ARHGAP29: variants seen among roughly 807,000 people sequenced by gnomAD.
The protein encoded by ARHGAP29 is rho GTPase-activating protein 29.
ARHGAP29 carries 43 observed loss-of-function variants against 122.6 expected under a neutral mutation model. That is an observed-to-expected ratio of 0.35 (90% CI 0.27 to 0.45). The LOEUF (loss-of-function observed/expected upper bound fraction) is 0.45. Ranked by LOEUF, ARHGAP29 falls within the 20% of genes least tolerant of loss-of-function variation. ARHGAP29 has a pLI of 1.00. For synonymous variants in ARHGAP29, 506 were observed against 497.1 expected, an observed-to-expected ratio of 1.02 and a Z score of -0.24; for missense variants, 1,303 against 1,477.2, an observed-to-expected ratio of 0.88 and a Z score of 1.93.
At chr1:94,282,253 T>C in the ARHGAP29 span, among the ~76,000 whole-genome samples, 1 of 140,886 alleles carries the variant, frequency 7.1e-6, no homozygotes, top group Non-Finnish European at 1.5e-5. Flanking sequence ...CAAGTGATAG[T>C]GCTTTATTTA....
exon 1 of ARHGAP29, chr1:94,275,039 G>A (rs924358777): frequency 6.6e-6 from 1 of 152,228 alleles, no homozygotes; most frequent in African/African-American, 2.4e-5. Context: ...GAGCAAGTGG[G>A]TAAGCCTGGA....
the ARHGAP29 span, among the ~76,000 whole-genome samples, chr1:94,310,437 A>C: frequency 6.6e-6 from 1 of 152,178 alleles, no homozygotes; most frequent in Non-Finnish European, 1.5e-5. Context: ...GCTCAGTAGA[A>C]AGCAAACATG....
At chr1:94,287,984 G>C in the ARHGAP29 span, among the ~76,000 whole-genome samples, 11 of 152,196 alleles carry the variant, frequency 7.2e-5, no homozygotes, top group Non-Finnish European at 1.6e-4. Flanking sequence ...TGCCTTTATA[G>C]TAGCAAGATT....
chr1:94,312,351 ATTTG>A, the ARHGAP29 span, among the ~76,000 whole-genome samples: 3 of 72,576 alleles, frequency 4.1e-5, no homozygotes, highest in African/African-American at 1.5e-4. Flanking sequence ...CTTCATTTTT[ATTTG>A]TTTTTTTTTT....
chr1:94,237,778 GGGCTGCGTC>G, upstream of ARHGAP29: 1 of 985,392 alleles, frequency 1.0e-6, no homozygotes, highest in Non-Finnish European at 1.2e-6. Context: ...CCAGCATCAC[GGGCTGCGTC>G]GGCTGCCCTT....
chr1:94,247,411 C>T (rs1178000091), intron 1 of ARHGAP29, among the ~76,000 whole-genome samples: 7 of 151,780 alleles, frequency 4.6e-5, no homozygotes, highest in Non-Finnish European at 1.0e-4. Flanking sequence ...GCAGCGCCCG[C>T]CCGCGTCCTC....
At chr1:94,293,641 T>G in the ARHGAP29 span, among the ~76,000 whole-genome samples, 1 of 152,094 alleles carries the variant, frequency 6.6e-6, no homozygotes, top group Non-Finnish European at 1.5e-5. Flanking sequence ...TCTTTATAAA[T>G]TACACACTCT....
the ARHGAP29 span, among the ~76,000 whole-genome samples, chr1:94,290,727 GCA>G: frequency 1.3e-5 from 2 of 152,176 alleles, no homozygotes; most frequent in African/African-American, 4.8e-5. Context: ...ATGTAGTTGT[GCA>G]GTTTTGAGTG....
upstream of ARHGAP29, among the ~76,000 whole-genome samples, chr1:94,278,984 G>A (rs1655270879): frequency 6.6e-6 from 1 of 152,186 alleles, no homozygotes; most frequent in Non-Finnish European, 1.5e-5. Context: ...TGATGCATGG[G>A]AGAATAACCT....
Position 94,201,874 on chromosome 1 carries a change from G to GAA in ARHGAP29, c.1144-19_1144-18dup, listed in dbSNP as rs5776210. On this transcript the variant is annotated splice_polypyrimidine_tract_variant and intron_variant, in intron 11 of 22. Coordinates refer to ENST00000260526, the MANE Select transcript of ARHGAP29 (RefSeq NM_004815.4). Reference sequence around the variant, plus strand: ...TTCTTCTACCTTCACAAATATCACAGAAAAAAAAATAACACTAGAATTTAT... The same window carrying GAA: ...TTCTTCTACCTTCACAAATATCACAGAAAAAAAAAAATAACACTAGAATTTAT... 11,854 of 1,249,506 alleles carry GAA rather than the reference G, an allele frequency of 9.5e-3. 1 individual carries two copies. Among genetic ancestry groups the GAA allele is most frequent in the Middle Eastern group, 0.01 (42 of 4,032 alleles). The allele number at this position is 1,249,506 out of a possible 1,614,324, so 77.4% of individuals were successfully genotyped here.
chr1:94,262,725 G>T (rs1006948279), intron 1 of ARHGAP29, among the ~76,000 whole-genome samples: 2 of 152,100 alleles, frequency 1.3e-5, no homozygotes, highest in Non-Finnish European at 2.9e-5. Context: ...AGTCAGAATG[G>T]CTATTACTAA....
intron 1 of ARHGAP29, among the ~76,000 whole-genome samples, chr1:94,272,064 T>C (rs1655012937): frequency 6.6e-6 from 1 of 152,124 alleles, no homozygotes; most frequent in African/African-American, 2.4e-5. Flanking sequence ...CAATTATAAG[T>C]GTGAAAGGTC....
chr1:94,288,071 C>T, the ARHGAP29 span, among the ~76,000 whole-genome samples: 2 of 151,846 alleles, frequency 1.3e-5, no homozygotes, highest in African/African-American at 2.4e-5. Context: ...CCTTGATCCA[C>T]ACGGTCTTCC....
intron 8 of ARHGAP29, among the ~76,000 whole-genome samples, chr1:94,203,701 C>T (rs1347545791): frequency 6.6e-6 from 1 of 152,050 alleles, no homozygotes; most frequent in African/African-American, 2.4e-5. Flanking sequence ...CGCCACTGCA[C>T]TCCAGCCTGG....
chr1:94,199,730 G>C (rs959826223), intron 12 of ARHGAP29, among the ~76,000 whole-genome samples: 1 of 152,184 alleles, frequency 6.6e-6, no homozygotes, highest in African/African-American at 2.4e-5. Context: ...TGCCTTTCCT[G>C]AGGAAACCCC....
At chr1:94,226,352 A>G (rs1048059179) in intron 2 of ARHGAP29, among the ~76,000 whole-genome samples, 1 of 152,018 alleles carries the variant, frequency 6.6e-6, no homozygotes, top group Non-Finnish European at 1.5e-5. Context: ...AGAGCTTTAC[A>G]TATATAAACT....
At position 94,202,639 on chromosome 1, in the gene ARHGAP29, C is replaced by T; in HGVS notation, c.1048G>A (p.Glu350Lys). The change falls in exon 11 of 23, where the codon GAA (glutamate) becomes AAA (lysine). Residue 350 changes from glutamate (E) to lysine (K), a missense_variant. Glu to Lys is a moderately conservative substitution (Grantham distance 56). Coordinates refer to ENST00000260526, the MANE Select transcript of ARHGAP29 (RefSeq NM_004815.4). ...EKAKSSMFRAEEEHLSSSGGL... is the reference protein window; with the variant it reads ...EKAKSSMFRAKEEHLSSSGGL... ...CCACTTGAAGACAGATGCTCCTCTTCTGCACGAAACATGGAAGACTTTGCT... is the reference window on the plus strand; with the variant it reads ...CCACTTGAAGACAGATGCTCCTCTTTTGCACGAAACATGGAAGACTTTGCT... 6.2e-7 allele frequency: 1 copy of T among 1,614,182 alleles called. No homozygotes were observed. The highest frequency in any genetic ancestry group is 8.5e-7 in the Non-Finnish European group (1 of 1,180,032).
At chr1:94,202,003 C>T (rs1414082585) in intron 11 of ARHGAP29, 146 bp from the exon 12 acceptor site, 2 of 794,030 alleles carry the variant, frequency 2.5e-6, no homozygotes, top group African/African-American at 3.5e-5. Context: ...CTGTTCTGGT[C>T]AGTGATTCAA....
chr1:94,195,132 G>A (rs1358311381), intron 12 of ARHGAP29: 1 of 152,110 alleles, frequency 6.6e-6, no homozygotes, highest in Non-Finnish European at 1.5e-5. Flanking sequence ...ATATTCTCTT[G>A]AAAAAGACAC....
Sources: allele counts gnomAD v4.1 joint callset (sites outside exome capture counted in the v4.1 genomes callset), GRCh38; gene constraint gnomAD v4.1.1; transcripts MANE v1.5; gene names NCBI Gene and HGNC (gene_info 2026-07-23, HGNC 2026-07-21).